SGCD: variants seen among roughly 807,000 people sequenced by gnomAD.
SGCD encodes the protein sarcoglycan delta.
Under a neutral mutation model 36.6 loss-of-function variants are expected in SGCD, and 18 were observed. The observed-to-expected ratio is 0.49, with a 90% confidence interval of 0.34 to 0.73. SGCD has a LOEUF of 0.73. Ranked by LOEUF, SGCD falls within the 30% of genes least tolerant of loss-of-function variation. The pLI is 0.01. For missense variants in SGCD, 387 were observed against 346.7 expected (o/e 1.12, Z -0.92); for synonymous variants, 133 against 130.6 (o/e 1.02, Z -0.12).
intron 7 of SGCD, among the ~76,000 whole-genome samples, chr5:156,733,654 A>G (rs1309212528): frequency 6.6e-6 from 1 of 152,122 alleles, no homozygotes; most frequent in Non-Finnish European, 1.5e-5. Context: ...GAAGGTCTCT[A>G]AGAACTTGCT....
At chr5:156,089,302 C>T (rs539285414) in intron 1 of SGCD, among the ~76,000 whole-genome samples, 66 of 152,296 alleles carry the variant, frequency 4.3e-4, no homozygotes, top group East Asian at 3.9e-4. Context: ...AGATTGCCTT[C>T]CTGGCAGAGT....
At chr5:156,656,447 A>T (rs1273358992) in intron 7 of SGCD, among the ~76,000 whole-genome samples, 1 of 152,112 alleles carries the variant, frequency 6.6e-6, no homozygotes, top group African/African-American at 2.4e-5. Context: ...AAGAGAGAAG[A>T]GAGAAAAGGT....
intron 2 of SGCD, among the ~76,000 whole-genome samples, chr5:156,118,714 AT>A (rs1761962745): frequency 6.6e-6 from 1 of 152,172 alleles, no homozygotes; most frequent in Non-Finnish European, 1.5e-5. Flanking sequence ...TCACCATTCA[AT>A]TTAAAAGGCT....
At chr5:156,574,446 A>G (rs1759842322) in intron 4 of SGCD, among the ~76,000 whole-genome samples, 1 of 152,156 alleles carries the variant, frequency 6.6e-6, no homozygotes, top group African/African-American at 2.4e-5. Flanking sequence ...TTTGTACATT[A>G]TTATCCCCAT....
Position 155,988,883 on chromosome 5 carries a change from A to G in SGCD, c.-282+118459A>G, listed in dbSNP as rs373822625. ...AGTAAGTTTAGCTGTTGCTTTTATT[A>G]TAACTATTATAGTTTTTGAAGGACA... On this transcript the variant is annotated intron_variant, in intron 1 of 9. Coordinates refer to the SGCD transcript ENST00000517913. Among the ~76,000 whole-genome samples the G allele has an allele frequency of 1.4e-4, 22 of 152,316 alleles. No individual in the cohort carries two copies. In the East Asian group the frequency reaches 3.1e-3, roughly 21 times the overall value.
At chr5:156,068,598 T>C (rs1180251050) in intron 1 of SGCD, among the ~76,000 whole-genome samples, 2 of 151,850 alleles carry the variant, frequency 1.3e-5, no homozygotes, top group Non-Finnish European at 2.9e-5. Flanking sequence ...TGCATGTGCC[T>C]TTATAGCAGC....
chr5:156,070,864 G>T (rs911715692), intron 1 of SGCD, among the ~76,000 whole-genome samples: 3 of 152,158 alleles, frequency 2.0e-5, no homozygotes, highest in African/African-American at 7.2e-5. Context: ...TCTTGGGAGG[G>T]TGTATGTGAT....
intron 3 of SGCD, among the ~76,000 whole-genome samples, chr5:156,143,602 C>G (rs185339676): frequency 1.6e-4 from 24 of 152,286 alleles, no homozygotes; most frequent in African/African-American, 5.3e-4. Flanking sequence ...GGAGCCCATC[C>G]CTTGGACCAG....
chr5:156,217,090 T>A (rs1027208067), intron 3 of SGCD, among the ~76,000 whole-genome samples: 4 of 151,752 alleles, frequency 2.6e-5, no homozygotes, highest in Non-Finnish European at 4.4e-5. Flanking sequence ...ATAAAAAAAA[T>A]AATAAAATAA....
At chr5:155,947,256 C>T (rs1007892083) in intron 1 of SGCD, among the ~76,000 whole-genome samples, 24 of 150,660 alleles carry the variant, frequency 1.6e-4, no homozygotes, top group African/African-American at 5.1e-4. Context: ...AGGAAATTGA[C>T]GCTCACATTG....
At chr5:156,268,735 G>A (rs62383773) in intron 3 of SGCD, among the ~76,000 whole-genome samples, 8,589 of 152,190 alleles carry the variant, frequency 0.056, 267 homozygotes, top group Non-Finnish European at 0.069. Flanking sequence ...TGGGATTAGA[G>A]GCATGCGCCA....
chr5:155,966,336 G>A (rs1315016185), intron 1 of SGCD, among the ~76,000 whole-genome samples: 1 of 152,090 alleles, frequency 6.6e-6, no homozygotes, highest in Non-Finnish European at 1.5e-5. Context: ...TTTAACAATT[G>A]TGAAACTTTG....
chr5:156,676,694 T>A (rs1753528452), intron 7 of SGCD, among the ~76,000 whole-genome samples: 1 of 152,170 alleles, frequency 6.6e-6, no homozygotes, highest in South Asian at 2.1e-4. Context: ...GAATGTCATT[T>A]CACAAGGTGA....
chr5:156,018,949 C>T (rs964663995), intron 1 of SGCD, among the ~76,000 whole-genome samples: 2 of 152,114 alleles, frequency 1.3e-5, no homozygotes, highest in Non-Finnish European at 2.9e-5. Flanking sequence ...ACCTATAATT[C>T]AAGAGATTCA....
At chr5:156,312,594 T>C (rs1767417857) in intron 3 of SGCD, among the ~76,000 whole-genome samples, 1 of 152,202 alleles carries the variant, frequency 6.6e-6, no homozygotes, top group Non-Finnish European at 1.5e-5. Flanking sequence ...ACACAGACTT[T>C]ATCATCAGAC....
chr5:155,985,458 C>A (rs1758312081), intron 1 of SGCD, among the ~76,000 whole-genome samples: 1 of 152,146 alleles, frequency 6.6e-6, no homozygotes, highest in African/African-American at 2.4e-5. Context: ...TCCGCCTCCT[C>A]TTTTAAGTGC....
the SGCD span, among the ~76,000 whole-genome samples, chr5:155,783,407 G>A: frequency 6.6e-6 from 1 of 152,172 alleles, no homozygotes; most frequent in Admixed American, 6.6e-5. Flanking sequence ...AGTGGAACTT[G>A]CATCATACTA....
chr5:156,629,983 T>C lies in SGCD; in HGVS notation c.503-17481T>C, dbSNP rs1415934315. Among the ~76,000 whole-genome samples the C allele has an allele frequency of 8.0e-5, 12 of 149,220 alleles. No homozygotes were observed. In the Admixed American group the frequency reaches 8.1e-4, roughly 10 times the overall value. ...TTCAAGTGACTGTCCTGCCTCAGCC[T>C]CCTCAGTAGCTGGGATTACAGGCAT... is the stretch of plus-strand genomic sequence containing the variant. On this transcript the variant is annotated intron_variant, in intron 6 of 8. Transcript: ENST00000337851.
intron 3 of SGCD, among the ~76,000 whole-genome samples, chr5:156,362,125 AACAC>A (rs1561645198): frequency 3.9e-5 from 6 of 152,204 alleles, no homozygotes. Context: ...CCACTGTAGG[AACAC>A]ACACCCTAAG....
Sources: gnomAD v4.1 joint callset for allele counts (sites outside exome capture counted in the v4.1 genomes callset) on GRCh38, gnomAD v4.1.1 for gene constraint, MANE v1.5 for transcripts, NCBI Gene and HGNC (gene_info 2026-07-23, HGNC 2026-07-21) for gene names.